RLBP1: variants seen among roughly 807,000 people sequenced by gnomAD.
The protein encoded by RLBP1 is retinaldehyde-binding protein 1.
RLBP1 carries 26 observed loss-of-function variants against 36.2 expected under a neutral mutation model. The observed-to-expected ratio is 0.72, with a 90% CI of 0.53 to 1.00. RLBP1 has a LOEUF of 1.00. Ranked by LOEUF, RLBP1 falls within the 50% of genes least tolerant of loss-of-function variation. The pLI is 0.00. For synonymous variants in RLBP1, 155 were observed against 156.2 expected (o/e 0.99, Z 0.06); for missense variants, 410 against 402.4 (o/e 1.02, Z -0.16).
At position 89,210,225 on chromosome 15, in the gene RLBP1, C is replaced by A; in HGVS notation, c.*60G>T. On this transcript the variant is annotated 3_prime_UTR_variant, in exon 9 of 9. Coordinates refer to ENST00000268125, the MANE Select transcript of RLBP1 (RefSeq NM_000326.5). This position sits in a 1 kb window ranked among gnomAD's most constrained non-coding sequence, Gnocchi z 4.7. ...AGCAGCCCTTTCCTAGCCTTGGGTC[C>A]AGGACAGTTGAGGAGAGGCCCAGAG... 6.3e-7 allele frequency: 1 copy of A among 1,591,814 alleles called. No homozygotes were observed. Among genetic ancestry groups the A allele is most frequent in the Non-Finnish European group, 8.6e-7 (1 of 1,163,704 alleles).
chr15:89,215,114 C>G lies in RLBP1; in HGVS notation c.471G>C (p.Val157=). 6.2e-7 allele frequency: 1 copy of G among 1,614,216 alleles called. No individual in the cohort carries two copies. Among genetic ancestry groups the G allele is most frequent in the African/African-American group, 1.3e-5 (1 of 75,056 alleles). ...VLSSRDKYGR[V]VMLFNIENWQ... ...AGTTCTCAATGTTGAAGAGCATGAC[C>G]ACTCGGCCATACTTGTCCCGACTAG... The change falls in exon 6 of 9, where the codon GTG becomes GTC. Residue 157 remains valine (V), a synonymous_variant. Coordinates refer to ENST00000268125, the MANE Select transcript of RLBP1 (RefSeq NM_000326.5).
Position 89,217,159 on chromosome 15 carries a change from G to T in RLBP1, c.307C>A (p.Arg103=). The part of the protein sequence containing the change: ...SGFFLRFIRA[R]KFNVGRAYEL... ...TAGGCACGGCCCACGTTGAACTTCCGTGCGCGGATGAAGCGCAGGAAGAAG... is the reference window on the plus strand; with the variant it reads ...TAGGCACGGCCCACGTTGAACTTCCTTGCGCGGATGAAGCGCAGGAAGAAG... The change falls in exon 5 of 9, where the codon CGG becomes AGG. Residue 103 remains arginine (R), a synonymous_variant. Coordinates refer to ENST00000268125, the MANE Select transcript of RLBP1 (RefSeq NM_000326.5). The T allele has an allele frequency of 6.2e-7, 1 of 1,614,050 alleles. No individual in the cohort carries two copies. The highest frequency in any genetic ancestry group is 8.5e-7 in the Non-Finnish European group (1 of 1,180,018).
At position 89,218,991 on chromosome 15, in the gene RLBP1, C is replaced by T; in HGVS notation, c.-16G>A. On this transcript the variant is annotated 5_prime_UTR_variant, in exon 3 of 9. Coordinates refer to ENST00000268125, the MANE Select transcript of RLBP1 (RefSeq NM_000326.5). The surrounding 1 kb of genome is among the most constrained non-coding windows in gnomAD (Gnocchi z 4.6). The stretch of plus-strand genomic sequence containing the variant: ...CTTCTGACATGTTGCCTATGGAAGA[C>T]ACAGAGTCCTTGGAAAAAGAAGGGA... 1.2e-6 allele frequency: 2 copies of T among 1,614,150 alleles called. No individual in the cohort carries two copies. The highest frequency in any genetic ancestry group is 8.5e-7 in the Non-Finnish European group (1 of 1,180,028).
chr15:89,220,837 C>T lies in RLBP1; in HGVS notation c.-224+698G>A, dbSNP rs16942876. 7.1e-3 allele frequency among the ~76,000 whole-genome samples: 1,077 copies of T among 152,158 alleles called. 16 individuals are homozygous for T. Among genetic ancestry groups the T allele is most frequent in the African/African-American group, 0.024 (1,011 of 41,502 alleles). ...TAGGAATACAGGGTTCAAGTCCGTG[C>T]GGCAACTCTTTTCTAAATATGCCCA... is the stretch of plus-strand genomic sequence containing the variant. On this transcript the variant is annotated intron_variant, in intron 1 of 8. Transcript: ENST00000268125.
At chr15:89,221,183 A>G (rs532795972) in intron 1 of RLBP1, among the ~76,000 whole-genome samples, 2 of 151,970 alleles carry the variant, frequency 1.3e-5, no homozygotes, top group South Asian at 4.2e-4. Context: ...AATTTTTGGT[A>G]TTTTTAGTGG....
rs192660795 is a variant in RLBP1, at chr15:89,220,259, G to A, written c.-223-400C>T. On this transcript the variant is annotated intron_variant, in intron 1 of 8. Coordinates refer to ENST00000268125, the MANE Select transcript of RLBP1 (RefSeq NM_000326.5). ...GTTAGGGAGACCTGGGTTTGAATCA[G>A]GCTTTGTCAGTTATGACTTGTGTGA... Among the ~76,000 whole-genome samples, 251 of 152,254 alleles carry A rather than the reference G, an allele frequency of 1.6e-3. 2 individuals carry two copies. Among genetic ancestry groups the A allele is most frequent in the African/African-American group, 5.7e-3 (238 of 41,544 alleles).
Position 89,211,994 on chromosome 15 carries a change from A to T in RLBP1, c.526-93T>A. ...GGGAGAGCTAATTGGTACATTCTTC[A>T]CTGGGGTAATTTGCTGCAGGCTTTG... is the stretch of plus-strand genomic sequence containing the variant. On this transcript the variant is annotated intron_variant, in intron 6 of 8. Coordinates refer to ENST00000268125, the MANE Select transcript of RLBP1 (RefSeq NM_000326.5). This position sits in a 1 kb window ranked among gnomAD's most constrained non-coding sequence, Gnocchi z 5.8. 7.6e-7 allele frequency: 1 copy of T among 1,313,922 alleles called. No individual in the cohort carries two copies. Among genetic ancestry groups the T allele is most frequent in the Non-Finnish European group, 1.1e-6 (1 of 925,894 alleles). The allele number at this position is 1,313,922 out of a possible 1,614,324, so 81.4% of individuals were successfully genotyped here. A position where few individuals can be genotyped will look rare whatever the true frequency, so the allele number is the denominator to read the frequency against.
Position 89,218,428 on chromosome 15 carries a change from A to G in RLBP1, c.141+137T>C. Reference sequence around the variant, plus strand: ...AGCCGTGACCACCAGGAAGGACCTTAGAACCGGCCAGTCTATCAGGTCCAG... The same window carrying G: ...AGCCGTGACCACCAGGAAGGACCTTGGAACCGGCCAGTCTATCAGGTCCAG... On this transcript the variant is annotated intron_variant, in intron 4 of 8. Coordinates refer to ENST00000268125, the MANE Select transcript of RLBP1 (RefSeq NM_000326.5). The surrounding 1 kb of genome is among the most constrained non-coding windows in gnomAD (Gnocchi z 4.6). 7.5e-7 allele frequency: 1 copy of G among 1,335,442 alleles called. No individual in the cohort carries two copies. The allele number at this position is 1,335,442 out of a possible 1,614,324, so 82.7% of individuals were successfully genotyped here.
At chr15:89,215,358 C>A (rs2051571589) in intron 5 of RLBP1, 120 bp from the exon 6 acceptor site, 1 of 880,252 alleles carries the variant, frequency 1.1e-6, no homozygotes, top group Non-Finnish European at 1.8e-6. Context: ...GAGCTGGCTA[C>A]TCAACCTATC....
Position 89,218,827 on chromosome 15 carries a change from C to G in RLBP1, c.13-134G>C, listed in dbSNP as rs1567124574. The stretch of plus-strand genomic sequence containing the variant: ...CCTCCTCCTTTTGTGGGGTCAGGAC[C>G]CACACAGGGGTTATAGAAGTGTGTG... On this transcript the variant is annotated intron_variant, in intron 3 of 8. Transcript: ENST00000268125. This position sits in a 1 kb window ranked among gnomAD's most constrained non-coding sequence, Gnocchi z 4.6. 2 of 1,522,046 alleles carry G rather than the reference C, an allele frequency of 1.3e-6. No individual in the cohort carries two copies. The highest frequency in any genetic ancestry group is 1.8e-6 in the Non-Finnish European group (2 of 1,107,934). 94.3% of individuals were successfully genotyped at this position (1,522,046 alleles called of 1,614,324 possible).
rs2051533402 is a variant in RLBP1 at position 89,210,977 on chromosome 15, G to GA, written c.685-169dup. Among the ~76,000 whole-genome samples the GA allele has an allele frequency of 1.3e-5, 2 of 152,146 alleles. No homozygotes were observed. The highest frequency in any genetic ancestry group is 4.8e-5 in the African/African-American group (2 of 41,406). On this transcript the variant is annotated intron_variant, in intron 7 of 8. Transcript: ENST00000268125. This position sits in a 1 kb window ranked among gnomAD's most constrained non-coding sequence, Gnocchi z 4.7. ...TCCTATTTCCAGGCCAGCAACTAGGGATCCCTGGCTCACTGTGGCCCAGAC... is the reference window on the plus strand; with the variant it reads ...TCCTATTTCCAGGCCAGCAACTAGGGAATCCCTGGCTCACTGTGGCCCAGAC...
chr15:89,219,357 G>A (rs1170972286), intron 2 of RLBP1, among the ~76,000 whole-genome samples: 1 of 152,204 alleles, frequency 6.6e-6, no homozygotes, highest in African/African-American at 2.4e-5. Flanking sequence ...GTTAAAACAA[G>A]TTGGCCCTGC....
Position 89,210,299 on chromosome 15 carries a change from T to C in RLBP1, c.940A>G (p.Asn314Asp). The change falls in exon 9 of 9, where the codon AAC becomes GAC. Residue 314 changes from asparagine to aspartate, a missense_variant. Coordinates refer to ENST00000268125, the MANE Select transcript of RLBP1 (RefSeq NM_000326.5). This position sits in a 1 kb window ranked among gnomAD's most constrained non-coding sequence, Gnocchi z 4.7. ...AGGAGATGTTTTCAGAAGGCTGTGTTCTCAGCTTGGGCCTGGGGGCCAAAG... is the reference window on the plus strand; with the variant it reads ...AGGAGATGTTTTCAGAAGGCTGTGTCCTCAGCTTGGGCCTGGGGGCCAAAG... Reference protein sequence around the residue: ...QLFGPQAQAENTAF With the variant: ...QLFGPQAQAEDTAF The C allele has an allele frequency of 6.2e-7, 1 of 1,614,152 alleles. No homozygotes were observed. Among genetic ancestry groups the C allele is most frequent in the Non-Finnish European group, 8.5e-7 (1 of 1,180,038 alleles).
rs2051567700 is a variant in RLBP1 at position 89,215,055 on chromosome 15, C to A, written c.525+5G>T. On this transcript the variant is annotated splice_donor_5th_base_variant and intron_variant, in intron 6 of 8. Transcript: ENST00000268125. Reference sequence around the variant, plus strand: ...AGGGTGGGAGCCAGGCGAGCCCCCACTAACCTCATCAAAGGTGATTTCTTG... The same window carrying A: ...AGGGTGGGAGCCAGGCGAGCCCCCAATAACCTCATCAAAGGTGATTTCTTG... 1 of 1,614,086 alleles carries A rather than the reference C, an allele frequency of 6.2e-7. No individual in the cohort carries two copies. The highest frequency in any genetic ancestry group is 1.3e-5 in the African/African-American group (1 of 74,938).
chr15:89,217,208 C>G lies in RLBP1; in HGVS notation c.258G>C (p.Glu86Asp). ...SGEELAVAVA[E>D]RVQEKDSGFF... ...AGCCGCTGTCCTTCTCTTGCACCCTCTCCGCCACGGCCACCGCCAGCTCCT... is the reference window on the plus strand; with the variant it reads ...AGCCGCTGTCCTTCTCTTGCACCCTGTCCGCCACGGCCACCGCCAGCTCCT... Residue 86 changes from glutamate to aspartate, a missense_variant, in exon 5 of 9, where the codon GAG becomes GAC. By Grantham distance (45) the Glu-to-Asp change is conservative. Transcript: ENST00000268125. 3 of 1,613,540 alleles carry G rather than the reference C, an allele frequency of 1.9e-6. No individual in the cohort carries two copies. Among genetic ancestry groups the G allele is most frequent in the Non-Finnish European group, 2.5e-6 (3 of 1,180,018 alleles).
rs752457733 is a variant in RLBP1 at position 89,211,692 on chromosome 15, C to T, written c.684+51G>A. The T allele has an allele frequency of 6.3e-7, 1 of 1,595,942 alleles. No individual in the cohort carries two copies. The highest frequency in any genetic ancestry group is 1.1e-5 in the South Asian group (1 of 90,590). On this transcript the variant is annotated intron_variant, in intron 7 of 8. Coordinates refer to ENST00000268125, the MANE Select transcript of RLBP1 (RefSeq NM_000326.5). The surrounding 1 kb of genome is among the most constrained non-coding windows in gnomAD (Gnocchi z 5.8). ...CACCATGAAAGGAGGCCCAGCCTCT[C>T]AGCCTCCCCAGCTGTGGGAGGCTGC...
chr15:89,219,884 T>C (rs2051612705), intron 1 of RLBP1, 25 bp from the exon 2 acceptor site: 1 of 152,264 alleles, frequency 6.6e-6, no homozygotes, highest in African/African-American at 2.4e-5. Context: ...GGAAGTGTTA[T>C]GAAATGTAAT....
rs1021991545 is a variant in RLBP1 at position 89,210,691 on chromosome 15, G to A, written c.795+8C>T. 10 of 1,574,834 alleles carry A rather than the reference G, an allele frequency of 6.3e-6. No homozygotes were observed. Among genetic ancestry groups the A allele is most frequent in the Middle Eastern group, 3.3e-4 (2 of 6,004 alleles). On this transcript the variant is annotated splice_region_variant and intron_variant, in intron 8 of 8. Coordinates refer to ENST00000268125, the MANE Select transcript of RLBP1 (RefSeq NM_000326.5). This position sits in a 1 kb window ranked among gnomAD's most constrained non-coding sequence, Gnocchi z 4.7. ...TTGTCTCATTGTCTGGGCGGCCCACGTACTCACCCTCTCAAGCAGCTTGCT... is the reference window on the plus strand; with the variant it reads ...TTGTCTCATTGTCTGGGCGGCCCACATACTCACCCTCTCAAGCAGCTTGCT...
chr15:89,216,313 C>CTT (rs369791115), intron 5 of RLBP1, among the ~76,000 whole-genome samples: 12 of 146,462 alleles, frequency 8.2e-5, no homozygotes, highest in South Asian at 4.4e-4. Context: ...GAACCACCCC[C>CTT]TTTTTTTTTT....
Sources: gnomAD v4.1 joint callset for allele counts (sites outside exome capture counted in the v4.1 genomes callset) on GRCh38, gnomAD v4.1.1 for gene constraint, Gnocchi (gnomAD v3.1) non-coding constraint, MANE v1.5 for transcripts, NCBI Gene and HGNC (gene_info 2026-07-23, HGNC 2026-07-21) for gene names.